Variants in LRRC7 observed in about 807,000 individuals in gnomAD.
The protein encoded by LRRC7 is leucine-rich repeat-containing protein 7.
LRRC7 carries 23 observed loss-of-function variants against 175.7 expected under a neutral mutation model. That is an observed-to-expected ratio of 0.13 (90% CI 0.09 to 0.19). The LOEUF (loss-of-function observed/expected upper bound fraction) is 0.19, where lower values mean the gene tolerates loss of function less well. LRRC7 is among the 10% of genes least tolerant of loss of function. LRRC7 has a pLI of 1.00. For missense variants in LRRC7, 1,354 were observed against 1,904.7 expected (o/e 0.71, Z 5.38); for synonymous variants, 685 against 680.9 (o/e 1.01, Z -0.09).
intron 26 of LRRC7, among the ~76,000 whole-genome samples, chr1:70,120,206 C>T (rs1191745625): frequency 6.6e-6 from 1 of 152,084 alleles, no homozygotes; most frequent in Non-Finnish European, 1.5e-5. Context: ...CTGTGTAACA[C>T]ACCCAAACTT....
intron 2 of LRRC7, among the ~76,000 whole-genome samples, chr1:69,746,332 A>C (rs1419049309): frequency 6.6e-6 from 1 of 151,848 alleles, no homozygotes; most frequent in Non-Finnish European, 1.5e-5. Context: ...CCAGTAGTTT[A>C]TTATAATCAC....
At position 69,835,998 on chromosome 1, in the gene LRRC7, G is replaced by T. The variant is rs993742489; in HGVS notation, c.590+1129G>T. Among the ~76,000 whole-genome samples, 4 of 151,896 alleles carry T rather than the reference G, an allele frequency of 2.6e-5. No homozygotes were observed. The East Asian group carries it at 7.7e-4, about 29-fold the overall frequency. ...GGTGTTCTACAATGAACTTTTTTGT[G>T]CAAAAGATATATCTCAATAACTAGG... is the stretch of plus-strand genomic sequence containing the variant. On this transcript the variant is annotated intron_variant, in intron 6 of 26. Transcript: ENST00000651989.
At chr1:69,962,226 A>G (rs561266952) in intron 8 of LRRC7, among the ~76,000 whole-genome samples, 77 of 152,356 alleles carry the variant, frequency 5.1e-4, no homozygotes, top group African/African-American at 1.8e-3. Flanking sequence ...TTACATGAAT[A>G]AAAAGCTCAA....
At chr1:69,668,221 G>C (rs778910566) in intron 1 of LRRC7, among the ~76,000 whole-genome samples, 2 of 152,052 alleles carry the variant, frequency 1.3e-5, no homozygotes, top group Non-Finnish European at 2.9e-5. Context: ...AGGTATATAT[G>C]TGCCACGGTG....
chr1:69,690,670 A>G (rs1661745444), intron 2 of LRRC7, among the ~76,000 whole-genome samples: 2 of 152,152 alleles, frequency 1.3e-5, no homozygotes, highest in African/African-American at 4.8e-5. Context: ...TATGCCCACT[A>G]TACAATAACA....
intron 3 of LRRC7, among the ~76,000 whole-genome samples, chr1:69,783,339 G>A (rs1352402460): frequency 6.6e-6 from 1 of 152,112 alleles, no homozygotes; most frequent in Non-Finnish European, 1.5e-5. Context: ...AGTGAGAGAG[G>A]GATAGACAAA....
chr1:70,052,391 A>C (rs1288041236), intron 22 of LRRC7, among the ~76,000 whole-genome samples: 3 of 151,998 alleles, frequency 2.0e-5, no homozygotes, highest in African/African-American at 7.2e-5. Context: ...TATATAAATA[A>C]ATAAATTTGG....
intron 2 of LRRC7, among the ~76,000 whole-genome samples, chr1:69,718,056 TGAA>T (rs201959290): frequency 0.026 from 1,791 of 70,204 alleles, 21 homozygotes; most frequent in Middle Eastern, 0.072. Flanking sequence ...GAGAAAGAAA[TGAA>T]GAAATAAGAG....
At chr1:70,040,217 C>G (rs1659747699) in intron 21 of LRRC7, among the ~76,000 whole-genome samples, 1 of 152,134 alleles carries the variant, frequency 6.6e-6, no homozygotes, top group Non-Finnish European at 1.5e-5. Context: ...ATATTAAAGT[C>G]AGGCCTAATT....
intron 1 of LRRC7, among the ~76,000 whole-genome samples, chr1:69,602,217 T>C (rs1377272176): frequency 2.0e-5 from 3 of 152,198 alleles, no homozygotes; most frequent in Non-Finnish European, 4.4e-5. Context: ...TTCTGTTTTC[T>C]CCAAATGGAT....
intron 8 of LRRC7, among the ~76,000 whole-genome samples, chr1:69,964,035 T>A (rs552978062): frequency 6.6e-6 from 1 of 152,344 alleles, no homozygotes; most frequent in African/African-American, 2.4e-5. Context: ...TCATGCTAGG[T>A]GTGAACCACT....
rs1666739886 is a variant in LRRC7, at chr1:70,133,088, T to C, written c.*11201T>C. Among the ~76,000 whole-genome samples the C allele has an allele frequency of 1.3e-5, 2 of 152,172 alleles. No individual in the cohort carries two copies. The highest frequency in any genetic ancestry group is 4.1e-4 in the South Asian group (2 of 4,830). On this transcript the variant is annotated 3_prime_UTR_variant, in exon 27 of 27. Coordinates refer to ENST00000651989, the MANE Select transcript of LRRC7 (RefSeq NM_001370785.2). ...TTAGTTGTACACATCCGCATACTCT[T>C]TTAAAGAAACATGTGTCTGCAGTTC... is the stretch of plus-strand genomic sequence containing the variant.
At chr1:69,699,673 T>C (rs190018009) in intron 2 of LRRC7, among the ~76,000 whole-genome samples, 45 of 150,328 alleles carry the variant, frequency 3.0e-4, no homozygotes, top group African/African-American at 9.4e-4. Flanking sequence ...TTTTTGCCTG[T>C]GGGGTTCACG....
intron 23 of LRRC7, among the ~76,000 whole-genome samples, chr1:70,070,381 A>ATT (rs1662291534): frequency 6.6e-6 from 1 of 152,180 alleles, no homozygotes; most frequent in African/African-American, 2.4e-5. Context: ...TCATGGAAGC[A>ATT]TTTTTAAGTG....
chr1:69,917,456 C>T (rs1646755225), intron 7 of LRRC7, among the ~76,000 whole-genome samples: 2 of 152,262 alleles, frequency 1.3e-5, no homozygotes, highest in African/African-American at 4.8e-5. Context: ...GGGAAAGCCA[C>T]ATGGGAACCC....
intron 8 of LRRC7, among the ~76,000 whole-genome samples, chr1:69,959,349 G>GC (rs1212892469): frequency 1.6e-4 from 25 of 152,096 alleles, no homozygotes; most frequent in African/African-American, 4.6e-4. Flanking sequence ...GGAAAGATAG[G>GC]TAAATAGAGA....
At chr1:69,643,907 T>C in intron 1 of LRRC7, among the ~76,000 whole-genome samples, 1 of 151,980 alleles carries the variant, frequency 6.6e-6, no homozygotes, top group Non-Finnish European at 1.5e-5. Context: ...TGTCCTAAAT[T>C]AAACAACGTA....
At position 69,822,055 on chromosome 1, in the gene LRRC7, A is replaced by C. The variant is rs547463297; in HGVS notation, c.422-3693A>C. On this transcript the variant is annotated intron_variant, in intron 4 of 26. Coordinates refer to ENST00000651989, the MANE Select transcript of LRRC7 (RefSeq NM_001370785.2). ...AGAGAAACACCTTCACCAGTCAGCCAGATGATGGATTCTGAGTCTTTCTCA... is the reference window on the plus strand; with the variant it reads ...AGAGAAACACCTTCACCAGTCAGCCCGATGATGGATTCTGAGTCTTTCTCA... Among the ~76,000 whole-genome samples the C allele has an allele frequency of 7.4e-4, 113 of 152,276 alleles. 1 individual carries two copies. Among genetic ancestry groups the C allele is most frequent in the Non-Finnish European group, 7.2e-4 (49 of 68,018 alleles).
At chr1:69,976,120 C>G (rs1291906737) in intron 8 of LRRC7, among the ~76,000 whole-genome samples, 1 of 152,108 alleles carries the variant, frequency 6.6e-6, no homozygotes, top group Non-Finnish European at 1.5e-5. Flanking sequence ...CCTGAAATGT[C>G]TGTATTAGTC....
Sources: gnomAD v4.1 joint callset for allele counts (sites outside exome capture counted in the v4.1 genomes callset) on GRCh38, gnomAD v4.1.1 for gene constraint, MANE v1.5 for transcripts, NCBI Gene and HGNC (gene_info 2026-07-23, HGNC 2026-07-21) for gene names.